CDH2: variants seen among roughly 807,000 people sequenced by gnomAD.
CDH2 encodes the protein cadherin 2, also known as cadherin-2.
Under a neutral mutation model 92.0 loss-of-function variants are expected in CDH2, and 17 were observed. That is an observed-to-expected ratio of 0.18 (90% CI 0.13 to 0.28). The LOEUF is 0.28. Among genes scored for constraint, CDH2 ranks in the 10% least tolerant of loss-of-function variants. The pLI is 1.00. For missense variants in CDH2, 862 were observed against 1,133.1 expected, an observed-to-expected ratio of 0.76 and a Z score of 3.44; for synonymous variants, 419 against 415.9, an observed-to-expected ratio of 1.01 and a Z score of -0.09.
intron 2 of CDH2, among the ~76,000 whole-genome samples, chr18:28,053,243 C>A (rs990072319): frequency 6.6e-6 from 1 of 152,094 alleles, no homozygotes; most frequent in African/African-American, 2.4e-5. Context: ...GTTTGAAAAT[C>A]GTCAAACTCT....
rs894751865 is a variant in CDH2 at position 28,154,345 on chromosome 18, A to G, written c.61-6561T>C. On this transcript the variant is annotated intron_variant, in intron 1 of 15. Transcript: ENST00000269141. ...AGTCAACAAGCCCTCTCGGCCCACCAGCGTGAAATTCACGCTGGTCAGAGG... is the reference window on the plus strand; with the variant it reads ...AGTCAACAAGCCCTCTCGGCCCACCGGCGTGAAATTCACGCTGGTCAGAGG... Among the ~76,000 whole-genome samples, 52 of 152,368 alleles carry G rather than the reference A, an allele frequency of 3.4e-4. 1 individual carries two copies. In the South Asian group the frequency reaches 6.2e-3, roughly 18 times the overall value.
intron 2 of CDH2, among the ~76,000 whole-genome samples, chr18:28,027,089 T>C (rs569945359): frequency 5.9e-4 from 90 of 152,196 alleles, no homozygotes; most frequent in African/African-American, 2.0e-3. Flanking sequence ...ACCACCCCCA[T>C]GGAGAACTGC....
At chr18:28,008,279 CT>C (rs140329271) in intron 5 of CDH2, among the ~76,000 whole-genome samples, 5,289 of 152,136 alleles carry the variant, frequency 0.035, 149 homozygotes, top group African/African-American at 0.077. Context: ...GCTATGTTGT[CT>C]TTGTGAGACG....
At position 27,993,514 on chromosome 18, in the gene CDH2, A is replaced by G; in HGVS notation, c.1144T>C (p.Phe382Leu). The G allele has an allele frequency of 6.2e-7, 1 of 1,613,512 alleles. No homozygotes were observed. Reference sequence around the variant, plus strand: ...GCTGTACTCACCGTCATGGCAGTAAACTCTGGAGGATTGTCATTGACATCT... The same window carrying G: ...GCTGTACTCACCGTCATGGCAGTAAGCTCTGGAGGATTGTCATTGACATCT... ...VTDVNDNPPE[F>L]TAMTFYGEVP... is the part of the protein sequence containing the mutation. Residue 382 changes from phenylalanine to leucine, a missense_variant, in exon 8 of 16, where the codon TTT (phenylalanine) becomes CTT (leucine). This residue lies in a region of CDH2 where 564 missense variants were observed against 722.2 expected (regional missense o/e 0.78). Coordinates refer to ENST00000269141, the MANE Select transcript of CDH2 (RefSeq NM_001792.5).
intron 2 of CDH2, among the ~76,000 whole-genome samples, chr18:28,088,495 G>A (rs557801816): frequency 6.6e-6 from 1 of 152,296 alleles, no homozygotes; most frequent in East Asian, 1.9e-4. Flanking sequence ...CTAAATTAGA[G>A]CAGAGTGAAT....
intron 3 of CDH2, among the ~76,000 whole-genome samples, chr18:28,012,668 C>T (rs1414790816): frequency 6.6e-6 from 1 of 152,150 alleles, no homozygotes; most frequent in African/African-American, 2.4e-5. Flanking sequence ...AAATCAACAA[C>T]AAAAGCATCT....
chr18:28,052,180 C>T (rs540435485), intron 2 of CDH2, among the ~76,000 whole-genome samples: 1 of 152,158 alleles, frequency 6.6e-6, no homozygotes, highest in African/African-American at 2.4e-5. Context: ...ACATTTCCTC[C>T]AAAAAATTAA....
intron 2 of CDH2, among the ~76,000 whole-genome samples, chr18:28,041,581 G>C (rs894937867): frequency 6.6e-6 from 1 of 152,182 alleles, no homozygotes; most frequent in Non-Finnish European, 1.5e-5. Context: ...AGCAGTGCAC[G>C]CAACACTGTT....
At chr18:28,054,396 T>A (rs1203952054) in intron 2 of CDH2, among the ~76,000 whole-genome samples, 3 of 152,210 alleles carry the variant, frequency 2.0e-5, no homozygotes, top group African/African-American at 7.2e-5. Context: ...AACAATGACA[T>A]GCATTTTTGT....
chr18:27,964,787 T>G (rs2143892570), intron 14 of CDH2, among the ~76,000 whole-genome samples: 1 of 152,286 alleles, frequency 6.6e-6, no homozygotes, highest in Non-Finnish European at 1.5e-5. Flanking sequence ...GTCCCAGATC[T>G]ATTAAGAAAA....
chr18:27,955,369 T>TAAAAAAA (rs760993428), intron 15 of CDH2, among the ~76,000 whole-genome samples: 1 of 30,946 alleles, frequency 3.2e-5, no homozygotes, highest in Admixed American at 4.1e-4. Flanking sequence ...AGTATAATAG[T>TAAAAAAA]AAAAAAAAAA....
intron 7 of CDH2, among the ~76,000 whole-genome samples, chr18:27,997,951 C>T (rs1662727): frequency 0.51 from 76,714 of 151,324 alleles, 19,519 homozygotes; most frequent in South Asian, 0.58. Context: ...GGACTACAGG[C>T]GCCCGCAACC....
intron 2 of CDH2, among the ~76,000 whole-genome samples, chr18:28,107,271 G>A (rs2015337188): frequency 6.6e-6 from 1 of 151,854 alleles, no homozygotes; most frequent in Non-Finnish European, 1.5e-5. Context: ...TTAAAGTGAA[G>A]TCTGTAGTAC....
chr18:27,951,428 T>C lies in CDH2; in HGVS notation c.*725A>G, dbSNP rs1205880899. On this transcript the variant is annotated 3_prime_UTR_variant, in exon 16 of 16. Transcript: ENST00000269141. ...AGTTTCTGCACTTCTCCATAGACTA[T>C]GCCAATAAAACATTATGTACACATA... The C allele has an allele frequency of 6.6e-6, 1 of 152,434 alleles. No homozygotes were observed. Among genetic ancestry groups the C allele is most frequent in the East Asian group, 1.9e-4 (1 of 5,172 alleles). The allele number at this position is 152,434 out of a possible 1,614,324, so 9.4% of individuals were successfully genotyped here.
chr18:27,955,241 T>C (rs965372694), intron 15 of CDH2, among the ~76,000 whole-genome samples: 9 of 151,736 alleles, frequency 5.9e-5, no homozygotes, highest in African/African-American at 2.2e-4. Flanking sequence ...AAATTAGGGA[T>C]AGCATTAGGA....
At chr18:28,096,185 T>C (rs17446484) in intron 2 of CDH2, among the ~76,000 whole-genome samples, 6,869 of 152,206 alleles carry the variant, frequency 0.045, 180 homozygotes, top group South Asian at 0.082. Flanking sequence ...TAAAAACATA[T>C]ATAACTTGGA....
intron 2 of CDH2, among the ~76,000 whole-genome samples, chr18:28,037,111 T>A (rs1226496943): frequency 1.3e-5 from 2 of 152,178 alleles, no homozygotes; most frequent in African/African-American, 4.8e-5. Context: ...AAGGAGTTGG[T>A]TTCATATCCT....
At chr18:28,060,413 C>T (rs1162138925) in intron 2 of CDH2, among the ~76,000 whole-genome samples, 1 of 152,114 alleles carries the variant, frequency 6.6e-6, no homozygotes, top group Admixed American at 6.5e-5. Context: ...TCTCGAGCTC[C>T]TGAACTCAAA....
intron 2 of CDH2, among the ~76,000 whole-genome samples, chr18:28,029,566 C>G: frequency 6.6e-6 from 1 of 152,018 alleles, no homozygotes; most frequent in East Asian, 1.9e-4. Flanking sequence ...CTTCAACTGA[C>G]AATAATAATC....
Sources: allele counts gnomAD v4.1 joint callset (sites outside exome capture counted in the v4.1 genomes callset), GRCh38; gene constraint gnomAD v4.1.1; regional missense constraint gnomAD v4.1.1; transcripts MANE v1.5; gene names NCBI Gene and HGNC (gene_info 2026-07-23, HGNC 2026-07-21).